IL20: variants seen among roughly 807,000 people sequenced by gnomAD.
IL20 encodes the protein interleukin-20.
In IL20, 22 loss-of-function variants were observed where a neutral mutation model predicts 19.2. The observed-to-expected ratio is 1.15, with a 90% confidence interval of 0.82 to 1.64. The LOEUF (loss-of-function observed/expected upper bound fraction) is 1.64, where lower values mean the gene tolerates loss of function less well. Ranked by LOEUF, IL20 falls within the 40% of genes most tolerant of loss-of-function variation. IL20 has a pLI of 0.00. For missense variants in IL20, 215 were observed against 212.8 expected (o/e 1.01, Z -0.06); for synonymous variants, 70 against 76.2 (o/e 0.92, Z 0.43).
In IL20 at chr1:206,867,384, C is replaced by A; in HGVS notation, c.379C>A (p.His127Asn). The A allele has an allele frequency of 6.2e-7, 1 of 1,613,006 alleles. No homozygotes were observed. Among genetic ancestry groups the A allele is most frequent in the Non-Finnish European group, 8.5e-7 (1 of 1,179,168 alleles). The stretch of plus-strand genomic sequence containing the variant: ...CTATTATTCTTTGGGTCCTTTTCAG[C>A]ATGCCCACATGACATGCCATTGTGG... The part of the protein sequence containing the change: ...LTIKKDLRLC[H>N]AHMTCHCGEE... Residue 127 changes from histidine (H) to asparagine (N), a missense_variant and splice_region_variant, in exon 5 of 6, where the codon CAT becomes AAT. Physicochemically the swap from His to Asn is moderately conservative, Grantham distance 68 (BLOSUM62 1). Coordinates refer to ENST00000367098, the MANE Select transcript of IL20 (RefSeq NM_018724.4).
Position 206,866,624 on chromosome 1 carries a change from C to T in IL20, c.366C>T (p.Asp122=), listed in dbSNP as rs536804184. 19 of 1,614,020 alleles carry T rather than the reference C, an allele frequency of 1.2e-5. No individual in the cohort carries two copies. In the South Asian group the frequency reaches 2.0e-4, roughly 17 times the overall value. ...LANSFLTIKK[D]LRLCHAHMTC... ...ATTCCTTTCTTACCATCAAGAAGGA[C>T]CTCCGGCTCTGTGTGAGTGTGGGTC... The change falls in exon 4 of 6, where the codon GAC becomes GAT. Residue 122 remains aspartate (D), a synonymous_variant. Coordinates refer to ENST00000367098, the MANE Select transcript of IL20 (RefSeq NM_018724.4).
upstream of IL20, chr1:206,865,574 A>G: frequency 8.3e-7 from 1 of 1,200,340 alleles, no homozygotes; most frequent in Non-Finnish European, 1.0e-6. The surrounding 1 kb of genome is among the most constrained non-coding windows in gnomAD (Gnocchi z 4.1). Flanking sequence ...CTAACGGCGG[A>G]GCCAGGATGG....
chr1:206,868,170 G>GCA (rs3034527), intron 5 of IL20, among the ~76,000 whole-genome samples: 1,807 of 148,882 alleles, frequency 0.012, 35 homozygotes, highest in African/African-American at 0.034. Flanking sequence ...ACAGGCACGT[G>GCA]CACACACACA....
Position 206,865,913 on chromosome 1 carries a change from C to G in IL20, c.61C>G (p.Pro21Ala). ...TGCTGCGTTTTATCTCCTATGGACT[C>G]CTTCCACTGGACTGAAGACACTCAA... Reference protein sequence around the residue: ...LSAAFYLLWTPSTGLKTLNLG... With the variant: ...LSAAFYLLWTASTGLKTLNLG... Residue 21 changes from proline to alanine, a missense_variant, in exon 2 of 6, where the codon CCT becomes GCT. Coordinates refer to ENST00000367098, the MANE Select transcript of IL20 (RefSeq NM_018724.4). The surrounding 1 kb of genome is among the most constrained non-coding windows in gnomAD (Gnocchi z 4.1). 2 of 1,613,938 alleles carry G rather than the reference C, an allele frequency of 1.2e-6. No individual in the cohort carries two copies. The highest frequency in any genetic ancestry group is 1.1e-5 in the South Asian group (1 of 91,078).
intron 5 of IL20, 37 bp downstream of exon 5, chr1:206,867,495 T>C (rs577485007): frequency 6.6e-7 from 1 of 1,525,602 alleles, no homozygotes; most frequent in Admixed American, 1.7e-5. Flanking sequence ...GATGGGTGTG[T>C]TTTAAGAACT....
At chr1:206,863,979 G>A (rs960837137), upstream of IL20, among the ~76,000 whole-genome samples, 5 of 152,098 alleles carry the variant, frequency 3.3e-5, no homozygotes, top group African/African-American at 1.2e-4. Context: ...CCATTTTGGG[G>A]TTAAGAAAAT....
intron 2 of IL20, 38 bp downstream of exon 2, chr1:206,866,049 T>C: frequency 6.3e-7 from 1 of 1,578,776 alleles, no homozygotes; most frequent in Non-Finnish European, 8.7e-7. Context: ...GAAAGCCTTT[T>C]CTCTTCCTTC....
intron 5 of IL20, 88 bp downstream of exon 5, chr1:206,867,546 T>C (rs1024419789): frequency 2.7e-6 from 3 of 1,100,406 alleles, no homozygotes; most frequent in Non-Finnish European, 4.2e-6. Context: ...CTGTTAGACA[T>C]CCTGTAGCCT....
At position 206,868,518 on chromosome 1, in the gene IL20, TG is replaced by T; in HGVS notation, c.490del (p.Glu164AsnfsTer2). 4 of 1,600,170 alleles carry T rather than the reference TG, an allele frequency of 2.5e-6. No individual in the cohort carries two copies. The highest frequency in any genetic ancestry group is 1.1e-5 in the South Asian group (1 of 88,892). ...LEPQAAVVKA[L>X]GELDILLQWM... ...CCTCAGGCAGCAGTTGTGAAGGCTT[TG>T]GGGGAACTAGACATTCTTCTGCAAT... On this transcript the variant is annotated frameshift_variant, in exon 6 of 6. Coordinates refer to ENST00000367098, the MANE Select transcript of IL20 (RefSeq NM_018724.4). LOFTEE classifies it high-confidence loss of function.
Position 206,866,633 on chromosome 1 carries a change from CTGTG to C in IL20, c.378_378+3del. On this transcript the variant is annotated splice_donor_variant and coding_sequence_variant, in exon 4 of 6. Transcript: ENST00000367098. LOFTEE classifies it high-confidence loss of function. ...TTACCATCAAGAAGGACCTCCGGCTCTGTGTGAGTGTGGGTCTTGGGTGACAGGA... is the reference window on the plus strand; with the variant it reads ...TTACCATCAAGAAGGACCTCCGGCTCTGAGTGTGGGTCTTGGGTGACAGGA... 4 of 1,613,998 alleles carry C rather than the reference CTGTG, an allele frequency of 2.5e-6. No homozygotes were observed. Among genetic ancestry groups the C allele is most frequent in the Non-Finnish European group, 3.4e-6 (4 of 1,179,918 alleles).
intron 5 of IL20, 78 bp from the exon 6 acceptor site, chr1:206,868,409 C>T (rs1198255722): frequency 2.2e-6 from 2 of 914,774 alleles, no homozygotes; most frequent in Admixed American, 2.9e-5. Flanking sequence ...GTCAGCAGAC[C>T]TATCCATAAA....
intron 5 of IL20, among the ~76,000 whole-genome samples, chr1:206,867,739 A>T (rs891830984): frequency 6.6e-6 from 1 of 152,190 alleles, no homozygotes; most frequent in African/African-American, 2.4e-5. Flanking sequence ...ACCAGAGGCA[A>T]TAGTTTTACA....
intron 4 of IL20, 77 bp downstream of exon 4, chr1:206,866,713 AC>A (rs1677560307): frequency 7.3e-7 from 1 of 1,371,196 alleles, no homozygotes. Context: ...TCTCTTTCCT[AC>A]CTCCATTTAA....
chr1:206,865,433 T>C, upstream of IL20: 1 of 908,588 alleles, frequency 1.1e-6, no homozygotes, highest in Non-Finnish European at 1.3e-6. This position sits in a 1 kb window ranked among gnomAD's most constrained non-coding sequence, Gnocchi z 4.1. Flanking sequence ...AAGGGTGAGC[T>C]ACGTTGGCTT....
At position 206,867,353 on chromosome 1, in the gene IL20, T is replaced by C. The variant is rs138294672; in HGVS notation, c.379-31T>C. 78 of 1,595,032 alleles carry C rather than the reference T, an allele frequency of 4.9e-5. No individual in the cohort carries two copies. In the African/African-American group the frequency reaches 7.1e-4, roughly 15 times the overall value. On this transcript the variant is annotated intron_variant, in intron 4 of 5. Transcript: ENST00000367098. ...AATGGCAAAAAATCAGAATCTGTAA[T>C]ATAATCTATTATTCTTTGGGTCCTT... is the stretch of plus-strand genomic sequence containing the variant.
chr1:206,866,024 G>C lies in IL20; in HGVS notation c.159+13G>C. 1 of 1,611,246 alleles carries C rather than the reference G, an allele frequency of 6.2e-7. No homozygotes were observed. The highest frequency in any genetic ancestry group is 8.5e-7 in the Non-Finnish European group (1 of 1,177,414). On this transcript the variant is annotated intron_variant, in intron 2 of 5. Transcript: ENST00000367098. The stretch of plus-strand genomic sequence containing the variant: ...ACGGGGCAGTGTGGTACGTAAGCGG[G>C]TATCTACCTCTCCTGAAAGCCTTTT...
chr1:206,865,771 A>C lies in IL20; in HGVS notation c.-30-52A>C, dbSNP rs1176758138. On this transcript the variant is annotated intron_variant, in intron 1 of 5. Coordinates refer to ENST00000367098, the MANE Select transcript of IL20 (RefSeq NM_018724.4). The surrounding 1 kb of genome is among the most constrained non-coding windows in gnomAD (Gnocchi z 4.1). Reference sequence around the variant, plus strand: ...ACCCCCCACCCCTCACCCCGTGGACACTTGGAGGAGGGGAAACTCAGTAAG... The same window carrying C: ...ACCCCCCACCCCTCACCCCGTGGACCCTTGGAGGAGGGGAAACTCAGTAAG... 1.5e-5 allele frequency: 23 copies of C among 1,522,584 alleles called. No individual in the cohort carries two copies. The highest frequency in any genetic ancestry group is 2.4e-5 in the South Asian group (2 of 82,556). The allele number at this position is 1,522,584 out of a possible 1,614,324, so 94.3% of individuals were successfully genotyped here.
chr1:206,863,571 C>T (rs922963945), upstream of IL20, among the ~76,000 whole-genome samples: 1 of 152,084 alleles, frequency 6.6e-6, no homozygotes, highest in Non-Finnish European at 1.5e-5. Context: ...AAACAGGCTC[C>T]TAGGAGACCA....
chr1:206,868,020 G>A (rs1257711933), intron 5 of IL20, among the ~76,000 whole-genome samples: 1 of 152,012 alleles, frequency 6.6e-6, no homozygotes, highest in Non-Finnish European at 1.5e-5. Context: ...TTAGTTGCCT[G>A]TTTTTGCCAG....
Sources: allele counts gnomAD v4.1 joint callset (sites outside exome capture counted in the v4.1 genomes callset), GRCh38; gene constraint gnomAD v4.1.1; non-coding constraint Gnocchi (gnomAD v3.1); transcripts MANE v1.5; gene names NCBI Gene and HGNC (gene_info 2026-07-23, HGNC 2026-07-21).